The following DDAH1 variants were observed in gnomAD, a reference collection of about 807,000 sequenced individuals.
DDAH1 encodes the protein dimethylarginine dimethylaminohydrolase 1, also known as N(G),N(G)-dimethylarginine dimethylaminohydrolase 1.
A neutral mutation model predicts 28.8 loss-of-function variants in DDAH1; 19 were observed. The observed-to-expected ratio is 0.66, with a 90% CI of 0.46 to 0.97. The LOEUF (loss-of-function observed/expected upper bound fraction) is 0.97. Ranked by LOEUF, DDAH1 falls within the 50% of genes least tolerant of loss-of-function variation. The pLI is 0.00. For missense variants in DDAH1, 326 were observed against 375.9 expected, an observed-to-expected ratio of 0.87 and a Z score of 1.10; for synonymous variants, 153 against 154.4, an observed-to-expected ratio of 0.99 and a Z score of 0.07.
At chr1:85,416,460 G>A (rs1340711246) in intron 1 of DDAH1, among the ~76,000 whole-genome samples, 14 of 152,128 alleles carry the variant, frequency 9.2e-5, no homozygotes, top group Non-Finnish European at 2.1e-4. Context: ...CTCCCAAAGT[G>A]TTGGGATTAC....
chr1:85,463,612 A>G (rs1434232829), intron 1 of DDAH1, among the ~76,000 whole-genome samples: 3 of 152,260 alleles, frequency 2.0e-5, no homozygotes, highest in Non-Finnish European at 4.4e-5. Flanking sequence ...TTAGTAGAAT[A>G]TGCTTATTTT....
At chr1:85,347,593 A>G (rs563090162) in intron 4 of DDAH1, among the ~76,000 whole-genome samples, 3 of 152,166 alleles carry the variant, frequency 2.0e-5, no homozygotes, top group Admixed American at 1.3e-4. Flanking sequence ...AGGATGGGGA[A>G]CATCACACAC....
chr1:85,532,079 C>A (rs1159567469), intron 1 of DDAH1, among the ~76,000 whole-genome samples: 2 of 150,906 alleles, frequency 1.3e-5, no homozygotes, highest in African/African-American at 4.9e-5. Context: ...CCAACTTCCT[C>A]CCGTTGATCC....
At position 85,436,891 on chromosome 1, in the gene DDAH1, A is replaced by G. The variant is rs144900421; in HGVS notation, c.303+27852T>C. Among the ~76,000 whole-genome samples the G allele has an allele frequency of 7.0e-4, 107 of 152,320 alleles. 5 individuals are homozygous for G. In the East Asian group the frequency reaches 0.019, roughly 27 times the overall value. On this transcript the variant is annotated intron_variant, in intron 1 of 5. Coordinates refer to ENST00000284031, the MANE Select transcript of DDAH1 (RefSeq NM_012137.4). ...AGTTGAAACAGGTGTCATGGGAGAC[A>G]CTACTCAAGCAAGGTTCACAGGTGC...
intron 4 of DDAH1, among the ~76,000 whole-genome samples, chr1:85,333,027 G>T (rs1647875241): frequency 1.5e-5 from 2 of 132,166 alleles, no homozygotes; most frequent in Non-Finnish European, 3.4e-5. Context: ...CCCAAAATCA[G>T]CCCTCTGGAC....
At chr1:85,465,168 A>G, upstream of DDAH1, 1 of 1,146,742 alleles carries the variant, frequency 8.7e-7, no homozygotes, top group Non-Finnish European at 1.1e-6. Context: ...GTGGTGCAGA[A>G]GGAGCCCAGC....
At chr1:85,517,638 G>T (rs1414290880) in intron 1 of DDAH1, among the ~76,000 whole-genome samples, 2 of 152,064 alleles carry the variant, frequency 1.3e-5, no homozygotes, top group Non-Finnish European at 2.9e-5. Context: ...AGAAGCTAAA[G>T]CAAAGGTTTT....
chr1:85,373,319 A>G (rs1207042512), intron 1 of DDAH1, among the ~76,000 whole-genome samples: 1 of 152,122 alleles, frequency 6.6e-6, no homozygotes, highest in Non-Finnish European at 1.5e-5. Flanking sequence ...GCAGTGAACT[A>G]AAGAGTATCT....
At chr1:85,496,372 AGAAG>A in intron 1 of DDAH1, 1 of 209,724 alleles carries the variant, frequency 4.8e-6, no homozygotes, top group Non-Finnish European at 8.3e-6. Context: ...TTCTCTAGAG[AGAAG>A]AGAATTCATG....
chr1:85,389,559 C>G (rs1168714386), intron 1 of DDAH1, among the ~76,000 whole-genome samples: 2 of 152,296 alleles, frequency 1.3e-5, no homozygotes, highest in East Asian at 3.9e-4. Context: ...TTGAAATCCT[C>G]TCATCATGAT....
intron 4 of DDAH1, among the ~76,000 whole-genome samples, chr1:85,328,636 A>G (rs1239093080): frequency 6.6e-6 from 1 of 152,232 alleles, no homozygotes; most frequent in Non-Finnish European, 1.5e-5. Flanking sequence ...CAAGAAGTTC[A>G]GAATTTCTTC....
At chr1:85,423,421 T>C (rs1653242777) in intron 1 of DDAH1, among the ~76,000 whole-genome samples, 1 of 152,326 alleles carries the variant, frequency 6.6e-6, no homozygotes, top group East Asian at 1.9e-4. Context: ...ATTTCTTTCA[T>C]CCAAGTTTTA....
intron 2 of DDAH1, among the ~76,000 whole-genome samples, chr1:85,491,860 T>C (rs1656417072): frequency 6.6e-6 from 1 of 152,176 alleles, no homozygotes; most frequent in Non-Finnish European, 1.5e-5. Flanking sequence ...AGTCTGCAGT[T>C]TGCCTGTAAT....
At chr1:85,442,748 G>A (rs1570550333) in intron 1 of DDAH1, among the ~76,000 whole-genome samples, 1 of 152,160 alleles carries the variant, frequency 6.6e-6, no homozygotes, top group Admixed American at 6.5e-5. Flanking sequence ...GTATCTCATT[G>A]TGGTTTTGAT....
In DDAH1 at chr1:85,575,623, A is replaced by G. The variant is rs1483705081; in HGVS notation, c.-123+2361T>C. 5.3e-5 allele frequency among the ~76,000 whole-genome samples: 8 copies of G among 152,242 alleles called. No individual in the cohort carries two copies. In the East Asian group the frequency reaches 1.5e-3, roughly 29 times the overall value. ...AGGTAATTTATCAACTATTTTTTAT[A>G]TCTGATGCATTTCACCTAGACTATT... On this transcript the variant is annotated intron_variant, in intron 1 of 6. Transcript: ENST00000426972.
chr1:85,387,313 C>G (rs551319251), intron 1 of DDAH1, among the ~76,000 whole-genome samples: 1 of 152,170 alleles, frequency 6.6e-6, no homozygotes. Flanking sequence ...TAAGCTCATT[C>G]CTTTGCTCCC....
In DDAH1 at chr1:85,535,976, C is replaced by T. The variant is rs535546680; in HGVS notation, c.-122-39695G>A. 4.9e-3 allele frequency among the ~76,000 whole-genome samples: 740 copies of T among 152,298 alleles called. 2 individuals are homozygous for T. The highest frequency in any genetic ancestry group is 7.5e-3 in the Non-Finnish European group (513 of 68,036). On this transcript the variant is annotated intron_variant, in intron 1 of 6. Transcript: ENST00000426972. ...ATCAGGGAAGTCCAAATCAAAACCACGAGGCCGGGTGTGGTGGCTTGTGCT... is the reference window on the plus strand; with the variant it reads ...ATCAGGGAAGTCCAAATCAAAACCATGAGGCCGGGTGTGGTGGCTTGTGCT...
intron 1 of DDAH1, among the ~76,000 whole-genome samples, chr1:85,574,138 C>T (rs1659532568): frequency 1.3e-5 from 2 of 152,218 alleles, no homozygotes; most frequent in Non-Finnish European, 2.9e-5. Context: ...TACATTTTCA[C>T]CTAGTAACCA....
intron 1 of DDAH1, among the ~76,000 whole-genome samples, chr1:85,557,582 C>T (rs1432645788): frequency 6.6e-6 from 1 of 152,090 alleles, no homozygotes; most frequent in African/African-American, 2.4e-5. Context: ...CTGTAACATG[C>T]ATGAAAAATT....
Sources: gnomAD v4.1 joint callset for allele counts (sites outside exome capture counted in the v4.1 genomes callset) on GRCh38, gnomAD v4.1.1 for gene constraint, MANE v1.5 for transcripts, NCBI Gene and HGNC (gene_info 2026-07-23, HGNC 2026-07-21) for gene names.